Variants in PCDHA8 observed in about 807,000 individuals in gnomAD.
The protein encoded by PCDHA8 is protocadherin alpha 8, also known as protocadherin alpha-8.
A neutral mutation model predicts 61.8 loss-of-function variants in PCDHA8; 53 were observed. The observed-to-expected ratio is 0.86, with a 90% CI of 0.69 to 1.08. PCDHA8 has a LOEUF of 1.08. PCDHA8 is among the 50% of genes least tolerant of loss of function. PCDHA8 has a pLI of 0.00. For missense variants in PCDHA8, 1,293 were observed against 1,245.0 expected, an observed-to-expected ratio of 1.04 and a Z score of -0.58; for synonymous variants, 618 against 556.6, an observed-to-expected ratio of 1.11 and a Z score of -1.55.
chr5:140,883,508 G>A (rs939760233), intron 1 of PCDHA8: 1 of 1,614,202 alleles, frequency 6.2e-7, no homozygotes, highest in East Asian at 2.2e-5. Flanking sequence ...CAGCGCCCTG[G>A]ACCGCGAGAG....
At chr5:140,960,551 G>T (rs2095555454) in intron 1 of PCDHA8, among the ~76,000 whole-genome samples, 1 of 152,102 alleles carries the variant, frequency 6.6e-6, no homozygotes, top group Admixed American at 6.5e-5. Flanking sequence ...CCTTCATATA[G>T]ACTGAGCTTA....
In PCDHA8 at chr5:140,972,718, C is replaced by T. The variant is rs921637217; in HGVS notation, c.2395-6231C>T. Among the ~76,000 whole-genome samples the T allele has an allele frequency of 9.2e-5, 13 of 142,004 alleles. No individual in the cohort carries two copies. In the East Asian group the frequency reaches 2.5e-3, roughly 27 times the overall value. The allele number at this position is 142,004 out of a possible 152,430, so 93.2% of individuals were successfully genotyped here. A position where few individuals can be genotyped will look rare whatever the true frequency, so the allele number is the denominator to read the frequency against. Reference sequence around the variant, plus strand: ...CTCACTCTGTTGCCAGGCTGGAGTGCAGTGGCGTAATCCCGGCTCACTGCA... The same window carrying T: ...CTCACTCTGTTGCCAGGCTGGAGTGTAGTGGCGTAATCCCGGCTCACTGCA... On this transcript the variant is annotated intron_variant, in intron 1 of 3. Coordinates refer to ENST00000531613, the MANE Select transcript of PCDHA8 (RefSeq NM_018911.3).
chr5:140,954,599 C>T (rs1554221480), intron 1 of PCDHA8, among the ~76,000 whole-genome samples: 1 of 152,042 alleles, frequency 6.6e-6, no homozygotes, highest in East Asian at 1.9e-4. Flanking sequence ...ATGTTCTTTG[C>T]CCACTTTTTA....
chr5:140,969,167 T>G (rs1554231527), intron 1 of PCDHA8: 1 of 1,613,668 alleles, frequency 6.2e-7, no homozygotes. Flanking sequence ...GACAGCAGGC[T>G]CAGGGAGTGA....
At position 140,842,983 on chromosome 5, in the gene PCDHA8, C is replaced by G. The variant is rs2150349153; in HGVS notation, c.1662C>G (p.Phe554Leu). ...GCAGCAACGTGACGCTGCAGGTGTT[C>G]GTGCTGGACGAGAATGACAACGCGC... ...PLGSNVTLQV[F>L]VLDENDNAPA... is the part of the protein sequence containing the mutation. Residue 554 changes from phenylalanine (F) to leucine (L), a missense_variant, in exon 1 of 4, where the codon TTC becomes TTG. Coordinates refer to ENST00000531613, the MANE Select transcript of PCDHA8 (RefSeq NM_018911.3). 1 of 1,594,998 alleles carries G rather than the reference C, an allele frequency of 6.3e-7. No individual in the cohort carries two copies. The highest frequency in any genetic ancestry group is 8.6e-7 in the Non-Finnish European group (1 of 1,165,498).
intron 1 of PCDHA8, chr5:140,855,838 A>G (rs1554147969): frequency 1.6e-6 from 1 of 616,858 alleles, no homozygotes. Flanking sequence ...TCGTACTTAC[A>G]CCTAAAGCCA....
At chr5:140,967,046 C>G in intron 1 of PCDHA8, 1 of 1,612,334 alleles carries the variant, frequency 6.2e-7, no homozygotes, top group Non-Finnish European at 8.5e-7. Context: ...GGAGCTGGAC[C>G]TGACGAGTGG....
Position 140,841,820 on chromosome 5 carries a change from G to A in PCDHA8, c.499G>A (p.Val167Met). 2 of 1,613,910 alleles carry A rather than the reference G, an allele frequency of 1.2e-6. No homozygotes were observed. Among genetic ancestry groups the A allele is most frequent in the Non-Finnish European group, 1.7e-6 (2 of 1,179,860 alleles). ...CGATGCAGATGTTGGAGCTAACTCC[G>A]TGTTAACCTACAGGCTTAGCTCTCA... ...ASDADVGANSVLTYRLSSHDY... is the reference protein window; with the variant it reads ...ASDADVGANSMLTYRLSSHDY... Residue 167 changes from valine (V) to methionine (M), a missense_variant, in exon 1 of 4, where the codon GTG becomes ATG. Val to Met is a conservative substitution (Grantham distance 21). Transcript: ENST00000531613.
chr5:140,858,271 C>G (rs782492418), intron 1 of PCDHA8: 1 of 1,597,010 alleles, frequency 6.3e-7, no homozygotes, highest in Admixed American at 1.7e-5. Flanking sequence ...TGTGCTCTAG[C>G]GCGGTGGGGA....
Position 140,851,538 on chromosome 5 carries a change from A to G in PCDHA8, c.2394+7823A>G. 2.2e-6 allele frequency: 2 copies of G among 905,392 alleles called. 1 individual carries two copies. The highest frequency in any genetic ancestry group is 2.7e-6 in the Non-Finnish European group (2 of 743,116). The allele number at this position is 905,392 out of a possible 1,614,324, so 56.1% of individuals were successfully genotyped here. A position where few individuals can be genotyped will look rare whatever the true frequency, so the allele number is the denominator to read the frequency against. Reference sequence around the variant, plus strand: ...TTTTAAAATGCCTGACAATGTAGATAATTCAAGAAATGTTGACTGAAATTT... The same window carrying G: ...TTTTAAAATGCCTGACAATGTAGATGATTCAAGAAATGTTGACTGAAATTT... On this transcript the variant is annotated intron_variant, in intron 1 of 3. Coordinates refer to ENST00000531613, the MANE Select transcript of PCDHA8 (RefSeq NM_018911.3).
At chr5:140,858,173 C>G (rs782491809) in intron 1 of PCDHA8, 1 of 1,597,720 alleles carries the variant, frequency 6.3e-7, no homozygotes, top group Admixed American at 1.7e-5. Context: ...GTCCAGCTTG[C>G]TGGTGCTCAC....
At chr5:140,987,119 CAGG>C (rs1258206409) in intron 3 of PCDHA8, among the ~76,000 whole-genome samples, 2 of 151,448 alleles carry the variant, frequency 1.3e-5, no homozygotes, top group Non-Finnish European at 2.9e-5. Flanking sequence ...GAGGCTGAGG[CAGG>C]AGAATTGCTT....
chr5:141,000,462 T>C (rs1554257607), intron 3 of PCDHA8, among the ~76,000 whole-genome samples: 1 of 139,384 alleles, frequency 7.2e-6, no homozygotes, highest in Non-Finnish European at 1.5e-5. Flanking sequence ...AGTTTTGCTC[T>C]TGTTGCCCAA....
At chr5:140,953,127 G>T (rs909395659) in intron 1 of PCDHA8, among the ~76,000 whole-genome samples, 8 of 152,178 alleles carry the variant, frequency 5.3e-5, no homozygotes, top group African/African-American at 1.4e-4. Flanking sequence ...GATCTAAACC[G>T]TATCACTGTT....
intron 1 of PCDHA8, among the ~76,000 whole-genome samples, chr5:140,939,903 C>A (rs782506444): frequency 3.9e-4 from 60 of 152,166 alleles, no homozygotes; most frequent in Non-Finnish European, 5.9e-4. Flanking sequence ...ATTCTGCATT[C>A]TTTTTTATTC....
At chr5:140,930,143 T>C (rs1375967730) in intron 1 of PCDHA8, 4 of 152,204 alleles carry the variant, frequency 2.6e-5, no homozygotes, top group Non-Finnish European at 5.9e-5. Context: ...ACCTTTTGTT[T>C]TGTGTTTCTA....
chr5:140,917,936 A>G (rs155801), intron 1 of PCDHA8, among the ~76,000 whole-genome samples: 49,654 of 151,910 alleles, frequency 0.33, 8,386 homozygotes, highest in East Asian at 0.53. Context: ...GAAAAATAAT[A>G]TTGGTAGTTT....
At chr5:141,006,216 A>T (rs6897376) in intron 3 of PCDHA8, among the ~76,000 whole-genome samples, 45,154 of 145,800 alleles carry the variant, frequency 0.31, 6,982 homozygotes, top group East Asian at 0.44. Context: ...ATTTTTTTTT[A>T]AATTTTTTAT....
At chr5:140,874,310 T>G (rs1466164009) in intron 1 of PCDHA8, among the ~76,000 whole-genome samples, 1 of 151,992 alleles carries the variant, frequency 6.6e-6, no homozygotes, top group Non-Finnish European at 1.5e-5. Context: ...TCACAATGAG[T>G]TGTAGGATCT....
Sources: gnomAD v4.1 joint callset for allele counts (sites outside exome capture counted in the v4.1 genomes callset) on GRCh38, gnomAD v4.1.1 for gene constraint, MANE v1.5 for transcripts, NCBI Gene and HGNC (gene_info 2026-07-23, HGNC 2026-07-21) for gene names.